Variants in RAB5IF observed in about 807,000 individuals in gnomAD.
RAB5IF encodes the protein GEL complex subunit OPTI.
In RAB5IF, 15 loss-of-function variants were observed where a neutral mutation model predicts 20.3. The observed-to-expected ratio is 0.74, with a 90% CI of 0.50 to 1.14. The LOEUF (loss-of-function observed/expected upper bound fraction) is 1.14, where lower values mean the gene tolerates loss of function less well. RAB5IF is among the 50% of genes most tolerant of loss of function. RAB5IF has a pLI of 0.00. For synonymous variants in RAB5IF, 67 were observed against 63.7 expected (o/e 1.05, Z -0.25); for missense variants, 148 against 159.5 (o/e 0.93, Z 0.39).
At chr20:36,608,034 C>G (rs1044092835) in intron 2 of RAB5IF, 1 of 1,339,288 alleles carries the variant, frequency 7.5e-7, no homozygotes, top group Admixed American at 2.1e-5. Flanking sequence ...TTCCTGAAGG[C>G]TGGGCCAGTC....
rs753730822 is a variant in RAB5IF, at chr20:36,612,271, C to CCAT, written c.*223_*225dup. On this transcript the variant is annotated 3_prime_UTR_variant, in exon 4 of 4. Transcript: ENST00000344795. ...TTTGGGGAAGCATTTCTGAATTTAT[C>CCAT]CATCACCAACCATTTCTTCTTGGAT... 6.5e-7 allele frequency: 1 copy of CCAT among 1,542,346 alleles called. No homozygotes were observed. The highest frequency in any genetic ancestry group is 1.1e-5 in the South Asian group (1 of 89,578).
chr20:36,610,577 C>T (rs937848970), intron 3 of RAB5IF, among the ~76,000 whole-genome samples: 7 of 151,996 alleles, frequency 4.6e-5, no homozygotes, highest in African/African-American at 1.7e-4. Context: ...CGCCTGTAGT[C>T]CCAGCTACTT....
intron 2 of RAB5IF, among the ~76,000 whole-genome samples, chr20:36,608,826 A>C (rs1051984932): frequency 6.6e-6 from 1 of 151,778 alleles, no homozygotes; most frequent in Admixed American, 6.6e-5. Context: ...TGGCCTCCCA[A>C]AGTGCTGGGA....
chr20:36,609,258 A>ACACACACACACACACAC (rs1555790847), intron 2 of RAB5IF, among the ~76,000 whole-genome samples: 2 of 99,148 alleles, frequency 2.0e-5, no homozygotes, highest in African/African-American at 4.1e-5. Flanking sequence ...CACACACACT[A>ACACACACACACACACAC]TATATAGAGT....
rs542504187 is a variant in RAB5IF at position 36,612,116 on chromosome 20, C to G, written c.*65C>G. On this transcript the variant is annotated 3_prime_UTR_variant, in exon 4 of 4. Coordinates refer to ENST00000344795, the MANE Select transcript of RAB5IF (RefSeq NM_018840.5). ...GACCCTCTTGATTACAGCACAGGAACTTGATCGTTGGGGAACCCCAGCCCC... is the reference window on the plus strand; with the variant it reads ...GACCCTCTTGATTACAGCACAGGAAGTTGATCGTTGGGGAACCCCAGCCCC... 1.2e-6 allele frequency: 2 copies of G among 1,614,212 alleles called. No homozygotes were observed. Among genetic ancestry groups the G allele is most frequent in the African/African-American group, 1.3e-5 (1 of 75,048 alleles).
Position 36,612,099 on chromosome 20 carries a change from T to C in RAB5IF, c.*48T>C, listed in dbSNP as rs551295814. 2.3e-5 allele frequency: 37 copies of C among 1,614,218 alleles called. No homozygotes were observed. The South Asian group carries it at 3.8e-4, about 17-fold the overall frequency. ...CCCTATCCAGTCCAAAGGACCCTCT[T>C]GATTACAGCACAGGAACTTGATCGT... On this transcript the variant is annotated 3_prime_UTR_variant, in exon 4 of 4. Transcript: ENST00000344795.
At chr20:36,607,954 C>CTTT in intron 2 of RAB5IF, 136 bp downstream of exon 2, 1 of 1,513,884 alleles carries the variant, frequency 6.6e-7, no homozygotes, top group Non-Finnish European at 8.9e-7. Context: ...AGCAGCCCTA[C>CTTT]AGTGGCACTC....
intron 1 of RAB5IF, 78 bp downstream of exon 1, chr20:36,606,143 C>T (rs2038928875): frequency 1.1e-6 from 1 of 898,090 alleles, no homozygotes; most frequent in Non-Finnish European, 1.6e-6. Context: ...CGCGGGCCTG[C>T]CCTCGTCCTC....
chr20:36,609,067 GCTGGAGCTAC>G (rs2039003994), intron 2 of RAB5IF, among the ~76,000 whole-genome samples: 1 of 151,288 alleles, frequency 6.6e-6, no homozygotes, highest in South Asian at 2.1e-4. Flanking sequence ...CCACACCCTA[GCTGGAGCTAC>G]CTGGAGGCCC....
At position 36,605,947 on chromosome 20, in the gene RAB5IF, GGAGGAT is replaced by G; in HGVS notation, c.-1_5del. ...CAGGCCCGGCCCGGGCGGCGCGACG[GGAGGAT>G]GAGCGGCGGGCGGCGGAAGGAGGAG... is the stretch of plus-strand genomic sequence containing the variant. On this transcript the variant is annotated start_lost and 5_prime_UTR_variant, in exon 1 of 4. Transcript: ENST00000344795. The G allele has an allele frequency of 6.6e-7, 1 of 1,505,194 alleles. No homozygotes were observed. The allele number at this position is 1,505,194 out of a possible 1,614,324, so 93.2% of individuals were successfully genotyped here.
chr20:36,611,164 A>G (rs2039103296), intron 3 of RAB5IF, among the ~76,000 whole-genome samples: 1 of 151,858 alleles, frequency 6.6e-6, no homozygotes, highest in Admixed American at 6.6e-5. Flanking sequence ...TATTTTTTGT[A>G]TTTTTAGTAG....
rs780080383 is a variant in RAB5IF at position 36,609,710 on chromosome 20, A to G, written c.328A>G (p.Thr110Ala). Residue 110 changes from threonine (T) to alanine (A), a missense_variant, in exon 3 of 4, where the codon ACC becomes GCC. Physicochemically the swap from Thr to Ala is moderately conservative, Grantham distance 58. Transcript: ENST00000344795. The part of the protein sequence containing the change: ...TWELTKEGFM[T>A]SFALFMVIWI... ...GGAGCTCACGAAGGAAGGGTTTATGACCTCTTTTGCCTTGTTCATGGTATG... is the reference window on the plus strand; with the variant it reads ...GGAGCTCACGAAGGAAGGGTTTATGGCCTCTTTTGCCTTGTTCATGGTATG... 1.2e-6 allele frequency: 2 copies of G among 1,614,036 alleles called. No individual in the cohort carries two copies. The highest frequency in any genetic ancestry group is 3.3e-5 in the Admixed American group (2 of 59,988).
At chr20:36,610,568 G>A (rs909090112) in intron 3 of RAB5IF, among the ~76,000 whole-genome samples, 3 of 151,984 alleles carry the variant, frequency 2.0e-5, no homozygotes, top group African/African-American at 4.8e-5. Flanking sequence ...GGTGGCGGGC[G>A]CCTGTAGTCC....
chr20:36,612,380 G>T lies in RAB5IF; in HGVS notation c.*329G>T, dbSNP rs773302422. 1.4e-6 allele frequency: 1 copy of T among 698,988 alleles called. No homozygotes were observed. The highest frequency in any genetic ancestry group is 2.5e-6 in the Non-Finnish European group (1 of 407,718). The allele number at this position is 698,988 out of a possible 1,614,324, so 43.3% of individuals were successfully genotyped here. ...CTGGATTCAGATGAAACATTAAATTGTCTTCCTCGATTCTCCATCGGGTGT... is the reference window on the plus strand; with the variant it reads ...CTGGATTCAGATGAAACATTAAATTTTCTTCCTCGATTCTCCATCGGGTGT... On this transcript the variant is annotated 3_prime_UTR_variant, in exon 4 of 4. Transcript: ENST00000344795.
chr20:36,609,156 T>TACATACATACACACACACAC lies in RAB5IF; in HGVS notation c.219-442_219-441insTACATACACACACACACACA. On this transcript the variant is annotated intron_variant, in intron 2 of 3. Coordinates refer to ENST00000344795, the MANE Select transcript of RAB5IF (RefSeq NM_018840.5). ...TTCAAGGGGCTTTGGAGAACTATAT[T>TACATACATACACACACACAC]ACACACACACACACACACACACACA... Among the ~76,000 whole-genome samples the TACATACATACACACACACAC allele has an allele frequency of 1.7e-3, 29 of 17,064 alleles. 2 individuals carry two copies. The highest frequency in any genetic ancestry group is 0.042 in the Middle Eastern group (1 of 24). The allele number at this position is 17,064 out of a possible 152,430, so 11.2% of individuals were successfully genotyped here.
At chr20:36,608,992 G>C (rs2039001020) in intron 2 of RAB5IF, among the ~76,000 whole-genome samples, 1 of 151,478 alleles carries the variant, frequency 6.6e-6, no homozygotes, top group Admixed American at 6.6e-5. Flanking sequence ...AGTTATACAG[G>C]GGGTATACTG....
rs905299258 is a variant in RAB5IF, at chr20:36,609,230, C to T, written c.219-371C>T. On this transcript the variant is annotated intron_variant, in intron 2 of 3. Transcript: ENST00000344795. ...ACACACGCACACACGCACACACACA[C>T]ACACACACACACACACACACACACA... is the stretch of plus-strand genomic sequence containing the variant. 8.9e-3 allele frequency among the ~76,000 whole-genome samples: 1,126 copies of T among 126,766 alleles called. 40 individuals carry two copies. Among genetic ancestry groups the T allele is most frequent in the African/African-American group, 0.035 (1,043 of 29,414 alleles). The allele number at this position is 126,766 out of a possible 152,430, so 83.2% of individuals were successfully genotyped here. A position where few individuals can be genotyped will look rare whatever the true frequency, so the allele number is the denominator to read the frequency against.
chr20:36,609,192 C>CTATATT (rs1568595444), intron 2 of RAB5IF, among the ~76,000 whole-genome samples: 16 of 52,240 alleles, frequency 3.1e-4, no homozygotes, highest in Non-Finnish European at 5.1e-4. Flanking sequence ...CACACACACA[C>CTATATT]ACGCACACAC....
At chr20:36,609,782 C>G (rs1401107250) in intron 3 of RAB5IF, 52 bp downstream of exon 3, 2 of 1,613,954 alleles carry the variant, frequency 1.2e-6, no homozygotes. Flanking sequence ...CATGAGGTGT[C>G]ACTCACAGGA....
Sources: allele counts gnomAD v4.1 joint callset (sites outside exome capture counted in the v4.1 genomes callset), GRCh38; gene constraint gnomAD v4.1.1; transcripts MANE v1.5; gene names NCBI Gene and HGNC (gene_info 2026-07-23, HGNC 2026-07-21).